The following ASS1 variants were observed in gnomAD, a reference collection of about 807,000 sequenced individuals.
ASS1 encodes argininosuccinate synthase 1.
ASS1 carries 58 observed loss-of-function variants against 60.5 expected under a neutral mutation model. That is an observed-to-expected ratio of 0.96 (90% CI 0.78 to 1.19). ASS1 has a LOEUF of 1.19. ASS1 is among the 50% of genes most tolerant of loss of function. The pLI, the probability that ASS1 is intolerant of heterozygous loss-of-function variation, is 0.00. For missense variants in ASS1, 454 were observed against 547.3 expected (o/e 0.83, Z 1.70); for synonymous variants, 200 against 206.9 (o/e 0.97, Z 0.29).
At position 130,476,780 on chromosome 9, in the gene ASS1, A is replaced by G. The variant is rs573259974; in HGVS notation, c.598-91A>G. 14 of 1,212,572 alleles carry G rather than the reference A, an allele frequency of 1.2e-5. No individual in the cohort carries two copies. Among genetic ancestry groups the G allele is most frequent in the Non-Finnish European group, 1.7e-5 (14 of 816,090 alleles). The allele number at this position is 1,212,572 out of a possible 1,614,324, so 75.1% of individuals were successfully genotyped here. On this transcript the variant is annotated intron_variant, in intron 8 of 14. Coordinates refer to ENST00000352480, the MANE Select transcript of ASS1 (RefSeq NM_054012.4). The surrounding 1 kb of genome is among the most constrained non-coding windows in gnomAD (Gnocchi z 4.9). ...CACCAGCTGGTGGGGAAATGGACAG[A>G]GGAGAGGGGTGCAGATCCCCGCGGG...
chr9:130,482,621 G>T (rs547180798), intron 11 of ASS1, among the ~76,000 whole-genome samples: 1 of 152,158 alleles, frequency 6.6e-6, no homozygotes, highest in African/African-American at 2.4e-5. Flanking sequence ...TGAACTGAAG[G>T]AGGTGGTTAG....
rs1345865160 is a variant in ASS1, at chr9:130,466,442, A to G, written c.421-283A>G. On this transcript the variant is annotated intron_variant, in intron 5 of 14. Coordinates refer to ENST00000352480, the MANE Select transcript of ASS1 (RefSeq NM_054012.4). ...CGTCTAGTTCAAACTCTCAGGTCTC[A>G]TCTGGGGAGACTGAGGCCCAGGGAA... is the stretch of plus-strand genomic sequence containing the variant. 6.4e-5 allele frequency: 34 copies of G among 528,330 alleles called. No homozygotes were observed. The East Asian group carries it at 1.1e-3, about 18-fold the overall frequency. The allele number at this position is 528,330 out of a possible 1,614,324, so 32.7% of individuals were successfully genotyped here. A position where few individuals can be genotyped will look rare whatever the true frequency, so the allele number is the denominator to read the frequency against.
In ASS1 at chr9:130,476,802, C is replaced by G; in HGVS notation, c.598-69C>G. ...CAGAGGAGAGGGGTGCAGATCCCCG[C>G]GGGAGGTGGGCTGTAGGGTGTCCAG... On this transcript the variant is annotated intron_variant, in intron 8 of 14. Coordinates refer to ENST00000352480, the MANE Select transcript of ASS1 (RefSeq NM_054012.4). The surrounding 1 kb of genome is among the most constrained non-coding windows in gnomAD (Gnocchi z 4.9). 1 of 1,420,394 alleles carries G rather than the reference C, an allele frequency of 7.0e-7. No homozygotes were observed. The allele number at this position is 1,420,394 out of a possible 1,614,324, so 88.0% of individuals were successfully genotyped here. A position where few individuals can be genotyped will look rare whatever the true frequency, so the allele number is the denominator to read the frequency against.
At chr9:130,480,305 A>T (rs1846136103) in intron 10 of ASS1, 80 bp from the exon 11 acceptor site, 1 of 1,515,756 alleles carries the variant, frequency 6.6e-7, no homozygotes, top group East Asian at 2.3e-5. Flanking sequence ...AGCTGTGCCC[A>T]CCCTGGGACA....
chr9:130,468,363 C>T (rs769602830), intron 6 of ASS1, among the ~76,000 whole-genome samples: 6 of 152,078 alleles, frequency 3.9e-5, no homozygotes, highest in Non-Finnish European at 7.4e-5. Flanking sequence ...CATCGTCCAA[C>T]GGAAAAACAC....
At position 130,489,565 on chromosome 9, in the gene ASS1, TCCTCC is replaced by T; in HGVS notation, c.970+105_970+109del. On this transcript the variant is annotated intron_variant, in intron 12 of 14. Transcript: ENST00000352480. This position sits in a 1 kb window ranked among gnomAD's most constrained non-coding sequence, Gnocchi z 4.1. Reference sequence around the variant, plus strand: ...GGCCCTCCCCTCCGTATCAGCACCTTCCTCCCCTGCCGCCCACTGCCATCCTCATG... The same window carrying T: ...GGCCCTCCCCTCCGTATCAGCACCTTCCTGCCGCCCACTGCCATCCTCATG... 1.9e-6 allele frequency: 3 copies of T among 1,574,746 alleles called. No individual in the cohort carries two copies. The highest frequency in any genetic ancestry group is 2.6e-6 in the Non-Finnish European group (3 of 1,150,660).
chr9:130,479,912 G>A (rs776204552), intron 10 of ASS1, 112 bp downstream of exon 10: 1 of 1,227,400 alleles, frequency 8.1e-7, no homozygotes, highest in African/African-American at 1.5e-5. Context: ...GCGGAGCACA[G>A]GCCATGTCCC....
Position 130,477,128 on chromosome 9 carries a change from G to A in ASS1, c.688+167G>A, listed in dbSNP as rs1846042417. Among the ~76,000 whole-genome samples the A allele has an allele frequency of 6.6e-6, 1 of 152,172 alleles. No individual in the cohort carries two copies. Among genetic ancestry groups the A allele is most frequent in the South Asian group, 2.1e-4 (1 of 4,830 alleles). ...AACGCACAGCCCACCTCCCTGGACAGTACAACCCATGGACCATGGATGCCT... is the reference window on the plus strand; with the variant it reads ...AACGCACAGCCCACCTCCCTGGACAATACAACCCATGGACCATGGATGCCT... On this transcript the variant is annotated intron_variant, in intron 9 of 14. Transcript: ENST00000352480. The surrounding 1 kb of genome is among the most constrained non-coding windows in gnomAD (Gnocchi z 4.2).
intron 3 of ASS1, among the ~76,000 whole-genome samples, chr9:130,457,412 A>G (rs1336187271): frequency 6.6e-6 from 1 of 152,134 alleles, no homozygotes; most frequent in Non-Finnish European, 1.5e-5. Context: ...TTGAGGCTGC[A>G]GTGAGCTAGG....
chr9:130,470,802 T>A lies in ASS1; in HGVS notation c.496-32T>A. 6.2e-7 allele frequency: 1 copy of A among 1,610,730 alleles called. No individual in the cohort carries two copies. Among genetic ancestry groups the A allele is most frequent in the Non-Finnish European group, 8.5e-7 (1 of 1,177,056 alleles). ...GACCTCACGCGTCCTTCCAGCCGCC[T>A]TACCTCCACCTGTGCTGTCTCTTTC... On this transcript the variant is annotated intron_variant, in intron 6 of 14. Coordinates refer to ENST00000352480, the MANE Select transcript of ASS1 (RefSeq NM_054012.4). The surrounding 1 kb of genome is among the most constrained non-coding windows in gnomAD (Gnocchi z 4.3).
intron 11 of ASS1, among the ~76,000 whole-genome samples, chr9:130,482,325 C>T (rs1001812801): frequency 6.9e-5 from 10 of 145,878 alleles, no homozygotes; most frequent in Non-Finnish European, 1.4e-4. Context: ...GTCAGTGTGG[C>T]GGGGGGTGGG....
At chr9:130,480,836 G>A (rs1006207324) in intron 11 of ASS1, among the ~76,000 whole-genome samples, 3 of 152,250 alleles carry the variant, frequency 2.0e-5, no homozygotes, top group Non-Finnish European at 4.4e-5. Flanking sequence ...GGAGGCCGCC[G>A]GCCAGGCAGG....
rs377293227 is a variant in ASS1, at chr9:130,470,965, C to T, written c.566+61C>T. 1.6e-4 allele frequency: 258 copies of T among 1,567,424 alleles called. 2 individuals are homozygous for T. In the African/African-American group the frequency reaches 2.0e-3, roughly 12 times the overall value. On this transcript the variant is annotated intron_variant, in intron 7 of 14. Coordinates refer to ENST00000352480, the MANE Select transcript of ASS1 (RefSeq NM_054012.4). The surrounding 1 kb of genome is among the most constrained non-coding windows in gnomAD (Gnocchi z 4.3). Reference sequence around the variant, plus strand: ...GGGCTCATTCCAAAGGACGGCCACGCGCTGCCCCAGGACGTCCTGGTGACC... The same window carrying T: ...GGGCTCATTCCAAAGGACGGCCACGTGCTGCCCCAGGACGTCCTGGTGACC...
In ASS1 at chr9:130,478,251, G is replaced by C. The variant is rs1846072707; in HGVS notation, c.688+1290G>C. ...CAAAGGCAGCCGGGCCCCCAGGCCT[G>C]TTTGCAGGCACAGAGCCTCCCTTTA... On this transcript the variant is annotated intron_variant, in intron 9 of 14. Coordinates refer to ENST00000352480, the MANE Select transcript of ASS1 (RefSeq NM_054012.4). This position sits in a 1 kb window ranked among gnomAD's most constrained non-coding sequence, Gnocchi z 4.7. 6.6e-6 allele frequency among the ~76,000 whole-genome samples: 1 copy of C among 152,228 alleles called. No individual in the cohort carries two copies. The highest frequency in any genetic ancestry group is 2.1e-4 in the South Asian group (1 of 4,832).
intron 1 of ASS1, among the ~76,000 whole-genome samples, chr9:130,446,603 ACT>A (rs1489840221): frequency 1.3e-5 from 2 of 152,116 alleles, no homozygotes; most frequent in Admixed American, 1.3e-4. Context: ...GGGAGGCCCC[ACT>A]CTCAGCACAG....
intron 5 of ASS1, among the ~76,000 whole-genome samples, chr9:130,465,054 ATATTT>A (rs915630554): frequency 5.6e-5 from 4 of 71,946 alleles, no homozygotes; most frequent in African/African-American, 3.0e-4. Context: ...ATATATATAT[ATATTT>A]TTTTTTTTTC....
intron 9 of ASS1, among the ~76,000 whole-genome samples, 189 bp from the exon 10 acceptor site, chr9:130,479,527 G>C (rs916571662): frequency 6.6e-6 from 1 of 152,120 alleles, no homozygotes; most frequent in African/African-American, 2.4e-5. Flanking sequence ...CATTCTGGGG[G>C]GCTTTCTCGC....
intron 3 of ASS1, among the ~76,000 whole-genome samples, chr9:130,457,181 C>T (rs1845467286): frequency 6.6e-6 from 1 of 152,170 alleles, no homozygotes. Context: ...TTTCTGCATT[C>T]ACTTGTTTTT....
chr9:130,489,327 G>C lies in ASS1; in HGVS notation c.839-6G>C, dbSNP rs766187530. 4.3e-6 allele frequency: 7 copies of C among 1,613,094 alleles called. No homozygotes were observed. Among genetic ancestry groups the C allele is most frequent in the Non-Finnish European group, 5.9e-6 (7 of 1,179,810 alleles). On this transcript the variant is annotated splice_region_variant and splice_polypyrimidine_tract_variant and intron_variant, in intron 11 of 14. Coordinates refer to ENST00000352480, the MANE Select transcript of ASS1 (RefSeq NM_054012.4). The surrounding 1 kb of genome is among the most constrained non-coding windows in gnomAD (Gnocchi z 4.1). Reference sequence around the variant, plus strand: ...TCCTTTTCCCCCTGCCTGGAAAAATGGCTAGGTATCTACGAGACCCCAGCA... The same window carrying C: ...TCCTTTTCCCCCTGCCTGGAAAAATCGCTAGGTATCTACGAGACCCCAGCA...
Sources: gnomAD v4.1 joint callset for allele counts (sites outside exome capture counted in the v4.1 genomes callset) on GRCh38, gnomAD v4.1.1 for gene constraint, Gnocchi (gnomAD v3.1) non-coding constraint, MANE v1.5 for transcripts, NCBI Gene and HGNC (gene_info 2026-07-23, HGNC 2026-07-21) for gene names.